Variants in CABIN1 observed in about 807,000 individuals in gnomAD.
The protein encoded by CABIN1 is calcineurin binding protein 1.
In CABIN1, 133 loss-of-function variants were observed where a neutral mutation model predicts 227.7. That is an observed-to-expected ratio of 0.58 (90% CI 0.51 to 0.67). CABIN1 has a LOEUF of 0.67. Among genes scored for constraint, CABIN1 ranks in the 30% least tolerant of loss-of-function variants. The pLI is 0.00. For missense variants in CABIN1, 2,408 were observed against 2,852.5 expected, an observed-to-expected ratio of 0.84 and a Z score of 3.55; for synonymous variants, 1,086 against 1,155.1, an observed-to-expected ratio of 0.94 and a Z score of 1.21.
In CABIN1 at chr22:24,070,792, T is replaced by C; in HGVS notation, c.2233-8T>C. 6.2e-7 allele frequency: 1 copy of C among 1,614,186 alleles called. No homozygotes were observed. The highest frequency in any genetic ancestry group is 8.5e-7 in the Non-Finnish European group (1 of 1,180,020). On this transcript the variant is annotated splice_polypyrimidine_tract_variant and splice_region_variant and intron_variant, in intron 16 of 36. Transcript: ENST00000263119. ...CCGTGCACTTCACCTGGCTTCTTGC[T>C]GTACTAGGACTCCTTGCTCCGGCTG...
chr22:24,170,186 C>T (rs566185700), intron 33 of CABIN1: 2 of 456,560 alleles, frequency 4.4e-6, no homozygotes, highest in South Asian at 3.1e-5. Context: ...CGTTTCCTAC[C>T]TAGGATTCTT....
At chr22:24,025,088 T>C (rs1252298979) in intron 1 of CABIN1, among the ~76,000 whole-genome samples, 5 of 152,192 alleles carry the variant, frequency 3.3e-5, no homozygotes, top group African/African-American at 1.2e-4. Context: ...CATTTTCTTT[T>C]TTCTTTGTAT....
In CABIN1 at chr22:24,095,920, C is replaced by A; in HGVS notation, c.3787-11C>A. On this transcript the variant is annotated splice_polypyrimidine_tract_variant and intron_variant, in intron 24 of 36. Transcript: ENST00000263119. ...GGAAGGCTGCTCACACTAGAGGTGT[C>A]GTTCTCCTAGGTGTACTTTCGGCTC... The A allele has an allele frequency of 6.2e-7, 1 of 1,613,834 alleles. No homozygotes were observed. The highest frequency in any genetic ancestry group is 1.1e-5 in the South Asian group (1 of 91,028).
chr22:24,096,283 G>A (rs1056081148), intron 25 of CABIN1, among the ~76,000 whole-genome samples: 1 of 152,218 alleles, frequency 6.6e-6, no homozygotes, highest in Admixed American at 6.5e-5. Flanking sequence ...GAGGGTGAGT[G>A]TGAGTCCCCT....
Position 24,083,407 on chromosome 22 carries a change from G to A in CABIN1, c.2910+18G>A, listed in dbSNP as rs755027930. The A allele has an allele frequency of 3.1e-6, 5 of 1,613,636 alleles. No individual in the cohort carries two copies. In the South Asian group the frequency reaches 5.5e-5, roughly 18 times the overall value. On this transcript the variant is annotated intron_variant, in intron 20 of 36. Transcript: ENST00000263119. ...CCCAGCAGGTGAGGGTGCTGCAATAGGCCCAACAAAGAGGGAAGCAGGAGC... is the reference window on the plus strand; with the variant it reads ...CCCAGCAGGTGAGGGTGCTGCAATAAGCCCAACAAAGAGGGAAGCAGGAGC...
chr22:24,084,827 C>T lies in CABIN1; in HGVS notation c.3117+42C>T, dbSNP rs1252120652. 5 of 1,596,134 alleles carry T rather than the reference C, an allele frequency of 3.1e-6. No homozygotes were observed. The South Asian group carries it at 3.3e-5, about 11-fold the overall frequency. On this transcript the variant is annotated intron_variant, in intron 21 of 36. Transcript: ENST00000263119. ...GAGGACGTGGGGGACAGGGCTGGGT[C>T]ACACTCTTCCGCTCTGCCACTGCTG... is the stretch of plus-strand genomic sequence containing the variant.
At chr22:24,054,799 A>C in intron 8 of CABIN1, 74 bp from the exon 9 acceptor site, 1 of 1,588,216 alleles carries the variant, frequency 6.3e-7, no homozygotes, top group Non-Finnish European at 8.6e-7. Context: ...CTGTGCAGGC[A>C]GGCCATTTTC....
intron 16 of CABIN1, 144 bp downstream of exon 16, chr22:24,067,325 A>G (rs1368102805): frequency 6.8e-6 from 6 of 882,734 alleles, no homozygotes; most frequent in African/African-American, 3.3e-5. Context: ...CCCCAGGAAG[A>G]TGTTAGTCAG....
intron 10 of CABIN1, among the ~76,000 whole-genome samples, chr22:24,057,771 C>G (rs1293646608): frequency 6.6e-6 from 1 of 152,212 alleles, no homozygotes; most frequent in East Asian, 1.9e-4. Context: ...GTACTTGACG[C>G]AGAACCAAAG....
At position 24,023,192 on chromosome 22, in the gene CABIN1, A is replaced by G. The variant is rs146195190; in HGVS notation, c.-75+11825A>G. ...TATTTTACTTAACATAGTGTTTTCA[A>G]GGTTCATTCATGTTATAGAGCATGT... On this transcript the variant is annotated intron_variant, in intron 1 of 36. Transcript: ENST00000263119. Among the ~76,000 whole-genome samples the G allele has an allele frequency of 9.1e-3, 1,387 of 152,340 alleles. 65 individuals are homozygous for G. The East Asian group carries it at 0.14, about 16-fold the overall frequency.
At chr22:24,063,473 C>T (rs2039351480) in intron 14 of CABIN1, among the ~76,000 whole-genome samples, 1 of 152,188 alleles carries the variant, frequency 6.6e-6, no homozygotes, top group Admixed American at 6.5e-5. Flanking sequence ...CTTATGTTTT[C>T]CTGAGAGAGC....
In CABIN1 at chr22:24,165,599, C is replaced by T. The variant is rs768735743; in HGVS notation, c.4980C>T (p.Leu1660=). The change falls in exon 31 of 37, where the codon CTC becomes CTT. Residue 1660 remains leucine (L), a synonymous_variant. Coordinates refer to ENST00000263119, the MANE Select transcript of CABIN1 (RefSeq NM_012295.4). The part of the protein sequence containing the change: ...QRAFILTVKV[L]EDTLSELAEG... ...CCTTCATCCTCACTGTGAAGGTGCTCGAAGACACGCTGAGCGAGCTCGCAG... is the reference window on the plus strand; with the variant it reads ...CCTTCATCCTCACTGTGAAGGTGCTTGAAGACACGCTGAGCGAGCTCGCAG... The T allele has an allele frequency of 6.2e-6, 10 of 1,613,060 alleles. No individual in the cohort carries two copies. The highest frequency in any genetic ancestry group is 2.2e-5 in the East Asian group (1 of 44,870).
chr22:24,097,583 A>G (rs758085937), intron 25 of CABIN1, among the ~76,000 whole-genome samples: 11 of 152,316 alleles, frequency 7.2e-5, no homozygotes, highest in South Asian at 4.1e-4. Context: ...CTGCTCAACT[A>G]TGTTGCAGCA....
At chr22:24,169,874 G>T (rs911078814) in intron 33 of CABIN1, among the ~76,000 whole-genome samples, 1 of 152,246 alleles carries the variant, frequency 6.6e-6, no homozygotes, top group African/African-American at 2.4e-5. Context: ...GGCTGGGCCA[G>T]ACCCCATTTT....
At chr22:24,090,210 G>A (rs1879699896) in intron 23 of CABIN1, among the ~76,000 whole-genome samples, 1 of 152,224 alleles carries the variant, frequency 6.6e-6, no homozygotes, top group Non-Finnish European at 1.5e-5. Context: ...CATGGTACCA[G>A]ATGCCAGCCC....
chr22:24,120,895 C>T (rs998317812), intron 28 of CABIN1, among the ~76,000 whole-genome samples: 5 of 152,032 alleles, frequency 3.3e-5, no homozygotes, highest in South Asian at 2.1e-4. Flanking sequence ...GAGAAAATAA[C>T]GGGGGGCATA....
In CABIN1 at chr22:24,178,045, C is replaced by T. The variant is rs1213380849; in HGVS notation, c.6520-8C>T. 1.2e-6 allele frequency: 2 copies of T among 1,613,364 alleles called. No individual in the cohort carries two copies. The highest frequency in any genetic ancestry group is 2.2e-5 in the East Asian group (1 of 44,886). ...CTTGACCAGTGCCCCGCCCGGCCCT[C>T]TCCGCAGTCAGCCATCCTTTCTGCC... On this transcript the variant is annotated splice_polypyrimidine_tract_variant and splice_region_variant and intron_variant, in intron 36 of 36. Transcript: ENST00000263119.
At chr22:24,127,849 A>T (rs1215926207) in intron 28 of CABIN1, among the ~76,000 whole-genome samples, 1 of 152,140 alleles carries the variant, frequency 6.6e-6, no homozygotes, top group Non-Finnish European at 1.5e-5. Flanking sequence ...AGTGATCTAG[A>T]ACAGTTGTAT....
At chr22:24,073,504 T>C (rs553188535) in intron 18 of CABIN1, among the ~76,000 whole-genome samples, 25 of 152,276 alleles carry the variant, frequency 1.6e-4, no homozygotes, top group African/African-American at 6.0e-4. Context: ...TCACATTCTC[T>C]CTATAATTTT....
Sources: allele counts gnomAD v4.1 joint callset (sites outside exome capture counted in the v4.1 genomes callset), GRCh38; gene constraint gnomAD v4.1.1; transcripts MANE v1.5; gene names NCBI Gene and HGNC (gene_info 2026-07-23, HGNC 2026-07-21).